CAPN8: variants seen among roughly 807,000 people sequenced by gnomAD.
The protein encoded by CAPN8 is calpain 8, also known as calpain-8.
CAPN8 carries 87 observed loss-of-function variants against 80.9 expected under a neutral mutation model. The ratio of observed to expected loss-of-function variants is 1.07; its 90% CI spans 0.90 to 1.28. The LOEUF (loss-of-function observed/expected upper bound fraction) is 1.28, where lower values mean the gene tolerates loss of function less well. CAPN8 is among the 50% of genes most tolerant of loss of function. CAPN8 has a pLI of 0.00. For missense variants in CAPN8, 757 were observed against 702.0 expected, an observed-to-expected ratio of 1.08 and a Z score of -0.89; for synonymous variants, 299 against 273.8, an observed-to-expected ratio of 1.09 and a Z score of -0.91.
chr1:223,659,200 G>A (rs556465642), intron 1 of CAPN8, among the ~76,000 whole-genome samples: 49 of 152,296 alleles, frequency 3.2e-4, no homozygotes, highest in South Asian at 1.2e-3. Context: ...AACCCACACT[G>A]TCTCAGTGAT....
In CAPN8 at chr1:223,623,095, TC is replaced by T. The variant is rs1408946907; in HGVS notation, c.814-196del. ...TTTGTTTGAATAAATGAGGTATTTT[TC>T]ATAATTTGTTTGAATAAATGAAGAG... is the stretch of plus-strand genomic sequence containing the variant. On this transcript the variant is annotated intron_variant, in intron 6 of 20. Transcript: ENST00000366872. 5.2e-5 allele frequency among the ~76,000 whole-genome samples: 8 copies of T among 152,386 alleles called. 1 individual carries two copies. The South Asian group carries it at 1.7e-3, about 32-fold the overall frequency.
chr1:223,617,309 TTTTG>T (rs1218096301), intron 9 of CAPN8: 17 of 128,062 alleles, frequency 1.3e-4, no homozygotes, highest in African/African-American at 4.6e-4. Context: ...TTTTGTTTTG[TTTTG>T]TTTTTTTGTT....
intron 2 of CAPN8, among the ~76,000 whole-genome samples, chr1:223,641,254 A>G (rs1658031954): frequency 1.3e-5 from 2 of 152,198 alleles, no homozygotes; most frequent in South Asian, 4.1e-4. Context: ...TCAAAGAGCT[A>G]GCGCAAAACT....
In CAPN8 at chr1:223,629,538, G is replaced by A. The variant is rs117967317; in HGVS notation, c.308-758C>T. On this transcript the variant is annotated intron_variant, in intron 2 of 20. Coordinates refer to ENST00000366872, the MANE Select transcript of CAPN8 (RefSeq NM_001143962.2). ...CCCACCACACTGATGCCACTGAGTG[G>A]CACTTCCCTGGGAGGCATCGTTGTC... Among the ~76,000 whole-genome samples the A allele has an allele frequency of 8.9e-4, 135 of 152,274 alleles. 2 individuals carry two copies. The East Asian group carries it at 0.021, about 24-fold the overall frequency.
intron 1 of CAPN8, among the ~76,000 whole-genome samples, chr1:223,659,220 T>TCA (rs1310431131): frequency 6.6e-6 from 1 of 152,212 alleles, no homozygotes; most frequent in Non-Finnish European, 1.5e-5. Context: ...TGATGGCTGT[T>TCA]TGGCCACACT....
intron 16 of CAPN8, among the ~76,000 whole-genome samples, chr1:223,546,885 G>GGTGGTGGTTGTT (rs973883560): frequency 1.3e-4 from 20 of 150,022 alleles, no homozygotes; most frequent in Non-Finnish European, 2.2e-4. Context: ...TTTGTTTTGT[G>GGTGGTGGTTGTT]GTTGTTGTTG....
chr1:223,620,456 C>T (rs1397641080), intron 7 of CAPN8, among the ~76,000 whole-genome samples, 190 bp from the exon 8 acceptor site: 6 of 152,172 alleles, frequency 3.9e-5, no homozygotes, highest in South Asian at 2.1e-4. Context: ...ACCCAGGACA[C>T]GGACTCCATG....
chr1:223,642,276 C>A (rs1658063769), intron 2 of CAPN8, among the ~76,000 whole-genome samples: 1 of 148,464 alleles, frequency 6.7e-6, no homozygotes, highest in African/African-American at 2.4e-5. Context: ...CGAAGATTAG[C>A]CCCAAGCACT....
chr1:223,638,235 G>A (rs1234981398), intron 2 of CAPN8, among the ~76,000 whole-genome samples: 1 of 152,104 alleles, frequency 6.6e-6, no homozygotes, highest in Non-Finnish European at 1.5e-5. Flanking sequence ...GTATATGGGA[G>A]GATATGCATG....
rs1572229306 is a variant in CAPN8, at chr1:223,612,257, C to A, written c.1312G>T (p.Val438Phe). The change falls in exon 11 of 21, where the codon GTT becomes TTT. Residue 438 changes from valine (V) to phenylalanine (F), a missense_variant and splice_region_variant. By Grantham distance (50) the Val-to-Phe change is conservative. Transcript: ENST00000366872. ...MLSIGYAVYQVPKELESHTDA... is the reference protein window; with the variant it reads ...MLSIGYAVYQFPKELESHTDA... ...CAGCACTCACATACCTCCTTGGGAA[C>A]CTGTGGGGCAGAAGAAAAGAGCAGG... is the stretch of plus-strand genomic sequence containing the variant. 1 of 1,234,264 alleles carries A rather than the reference C, an allele frequency of 8.1e-7. No individual in the cohort carries two copies. The highest frequency in any genetic ancestry group is 3.2e-5 in the East Asian group (1 of 31,694). 76.5% of individuals were successfully genotyped at this position (1,234,264 alleles called of 1,614,324 possible).
chr1:223,621,833 G>A (rs1403881104), intron 7 of CAPN8, among the ~76,000 whole-genome samples: 1 of 152,002 alleles, frequency 6.6e-6, no homozygotes, highest in Non-Finnish European at 1.5e-5. Context: ...TTCATTTCTG[G>A]TGGTTCTTTG....
chr1:223,618,939 C>A (rs1183021071), intron 9 of CAPN8, among the ~76,000 whole-genome samples: 1 of 152,166 alleles, frequency 6.6e-6, no homozygotes, highest in Non-Finnish European at 1.5e-5. Flanking sequence ...ACTGTAATCC[C>A]AGAACTTTGG....
Position 223,628,700 on chromosome 1 carries a change from C to T in CAPN8, c.388G>A (p.Asp130Asn), listed in dbSNP as rs1657678399. The change falls in exon 3 of 21, where the codon GAC (aspartate) becomes AAC (asparagine). Residue 130 changes from aspartate (D) to asparagine (N), a missense_variant. By Grantham distance (23) the Asp-to-Asn change is conservative. Transcript: ENST00000366872. ...LLYRVVPRDQ[D>N]FQENYAGIFH... The stretch of plus-strand genomic sequence containing the variant: ...ATTCCCGCATAGTTCTCCTGGAAGT[C>T]CTGGTCCCTGGGGACCACCCGGTAA... 1 of 1,551,614 alleles carries T rather than the reference C, an allele frequency of 6.4e-7. No homozygotes were observed. The highest frequency in any genetic ancestry group is 8.7e-7 in the Non-Finnish European group (1 of 1,146,986).
chr1:223,550,245 A>G (rs1656746835), intron 15 of CAPN8, among the ~76,000 whole-genome samples: 1 of 152,062 alleles, frequency 6.6e-6, no homozygotes, highest in Admixed American at 6.6e-5. Flanking sequence ...AGCCCTGGGG[A>G]TCCATCTGCT....
Position 223,628,665 on chromosome 1 carries a change from A to C in CAPN8, c.423T>G (p.Phe141Leu), listed in dbSNP as rs1208966880. The change falls in exon 3 of 21, where the codon TTT (phenylalanine) becomes TTG (leucine). Residue 141 changes from phenylalanine to leucine, a missense_variant. Physicochemically the swap from Phe to Leu is conservative, Grantham distance 22. Coordinates refer to ENST00000366872, the MANE Select transcript of CAPN8 (RefSeq NM_001143962.2). Reference protein sequence around the residue: ...FQENYAGIFHFQFWQYGEWVE... With the variant: ...FQENYAGIFHLQFWQYGEWVE... ...GGGCCAGAGCAGAGCACAGTACCTG[A>C]AAGTGAAAGATTCCCGCATAGTTCT... 1.3e-6 allele frequency: 2 copies of C among 1,550,366 alleles called. No homozygotes were observed. The highest frequency in any genetic ancestry group is 8.7e-7 in the Non-Finnish European group (1 of 1,145,750).
At chr1:223,550,913 C>G in intron 15 of CAPN8, 47 bp downstream of exon 15, 1 of 712,906 alleles carries the variant, frequency 1.4e-6, no homozygotes, top group Non-Finnish European at 2.6e-6. Context: ...TCACCCTGCC[C>G]CAGCATCTCC....
intron 2 of CAPN8, 58 bp from the exon 3 acceptor site, chr1:223,628,838 T>C (rs1657684677): frequency 1.5e-6 from 2 of 1,363,332 alleles, no homozygotes; most frequent in Non-Finnish European, 2.0e-6. Context: ...GGGCCCTGCT[T>C]TCTCTGACCC....
chr1:223,544,782 G>A lies in CAPN8; in HGVS notation c.1902C>T (p.Leu634=), dbSNP rs1355618832. Residue 634 remains leucine (L), a synonymous_variant, in exon 18 of 21, where the codon CTC becomes CTT. Transcript: ENST00000366872. ...TIDAHEMRTA[L]RKAGFTLNSQ... is the part of the protein sequence containing the mutation. ...AGGATGTGTCCTCACCTGCCTTCCT[G>A]AGGGCTGTCCTCATCTCGTGGGCAT... 6.4e-7 allele frequency: 1 copy of A among 1,551,694 alleles called. No homozygotes were observed.
At position 223,628,796 on chromosome 1, in the gene CAPN8, G is replaced by A. The variant is rs1558347841; in HGVS notation, c.308-16C>T. Reference sequence around the variant, plus strand: ...CAGCAGTCACCTGCACAGTGTCACAGGGGACACAGATTGGTCAGGCCCAGC... The same window carrying A: ...CAGCAGTCACCTGCACAGTGTCACAAGGGACACAGATTGGTCAGGCCCAGC... On this transcript the variant is annotated splice_polypyrimidine_tract_variant and intron_variant, in intron 2 of 20. Coordinates refer to ENST00000366872, the MANE Select transcript of CAPN8 (RefSeq NM_001143962.2). The A allele has an allele frequency of 1.3e-6, 2 of 1,546,280 alleles. No homozygotes were observed. Among genetic ancestry groups the A allele is most frequent in the Non-Finnish European group, 1.8e-6 (2 of 1,142,046 alleles).
Sources: allele counts gnomAD v4.1 joint callset (sites outside exome capture counted in the v4.1 genomes callset), GRCh38; gene constraint gnomAD v4.1.1; transcripts MANE v1.5; gene names NCBI Gene and HGNC (gene_info 2026-07-23, HGNC 2026-07-21).